The following NT5DC3 variants were observed in gnomAD, a reference collection of about 807,000 sequenced individuals.
NT5DC3 encodes 5'-nucleotidase domain containing 3, also known as 5'-nucleotidase domain-containing protein 3.
NT5DC3 carries 42 observed loss-of-function variants against 67.8 expected under a neutral mutation model. The observed-to-expected ratio is 0.62, with a 90% CI of 0.48 to 0.80. The LOEUF (loss-of-function observed/expected upper bound fraction) is 0.80. Among genes scored for constraint, NT5DC3 ranks in the 30% least tolerant of loss-of-function variants. The probability of loss-of-function intolerance (pLI) is 0.00; values close to 1 mark genes in which losing one functional copy is unlikely to be tolerated. For synonymous variants in NT5DC3, 237 were observed against 255.6 expected (o/e 0.93, Z 0.69); for missense variants, 570 against 696.4 (o/e 0.82, Z 2.04).
At chr12:103,766,480 T>C (rs1884975141), downstream of NT5DC3, 1 of 957,110 alleles carries the variant, frequency 1.0e-6, no homozygotes, top group South Asian at 1.7e-5. Flanking sequence ...ATCTGGGGGT[T>C]GTTTCTGTGG....
chr12:103,763,585 GA>G, the NT5DC3 span: 1 of 1,614,068 alleles, frequency 6.2e-7, no homozygotes, highest in Non-Finnish European at 8.5e-7. Context: ...AGCTCCCCCA[GA>G]ACCTTCCTAC....
intron 1 of NT5DC3, among the ~76,000 whole-genome samples, chr12:103,826,510 C>G (rs1013821599): frequency 6.6e-6 from 1 of 152,202 alleles, no homozygotes; most frequent in African/African-American, 2.4e-5. Context: ...CAAGGGGCTA[C>G]AAACAATGTG....
chr12:103,836,642 G>A (rs1025279369), intron 1 of NT5DC3, among the ~76,000 whole-genome samples: 1 of 152,062 alleles, frequency 6.6e-6, no homozygotes, highest in African/African-American at 2.4e-5. Context: ...TTTGTAGAAA[G>A]TCCCTCAATT....
At chr12:103,784,571 A>C (rs1885686770) in intron 12 of NT5DC3, among the ~76,000 whole-genome samples, 1 of 152,234 alleles carries the variant, frequency 6.6e-6, no homozygotes, top group African/African-American at 2.4e-5. Context: ...CAAGAGAGCA[A>C]GCACCTGTGC....
chr12:103,756,544 T>C, the NT5DC3 span, among the ~76,000 whole-genome samples: 2 of 152,214 alleles, frequency 1.3e-5, no homozygotes. Context: ...ATCCACGTTT[T>C]AGATGAAGAA....
rs142799570 is a variant in NT5DC3 at position 103,815,084 on chromosome 12, T to C, written c.246A>G (p.Pro82=). Residue 82 remains proline, a synonymous_variant, in exon 2 of 14, where the codon CCA becomes CCG. Coordinates refer to ENST00000392876, the MANE Select transcript of NT5DC3 (RefSeq NM_001031701.3). ...VPSIMSNLLN[P]DAIFSNNEMS... The stretch of plus-strand genomic sequence containing the variant: ...TTTCATTGTTTGAGAAAATGGCATC[T>C]GGATTCAACAAGTTGCTCATAATGG... 167 of 1,613,416 alleles carry C rather than the reference T, an allele frequency of 1.0e-4. No individual in the cohort carries two copies. The African/African-American group carries it at 2.0e-3, about 19-fold the overall frequency.
In NT5DC3 at chr12:103,817,064, A is replaced by G. The variant is rs139707880; in HGVS notation, c.209-1943T>C. The stretch of plus-strand genomic sequence containing the variant: ...AAGAAAAAAAAAAGAAAGAAAGCTA[A>G]CAGGGCAAGACATCTCACAGTTATC... On this transcript the variant is annotated intron_variant, in intron 1 of 13. Coordinates refer to ENST00000392876, the MANE Select transcript of NT5DC3 (RefSeq NM_001031701.3). Among the ~76,000 whole-genome samples the G allele has an allele frequency of 2.0e-5, 3 of 151,614 alleles. No individual in the cohort carries two copies. The East Asian group carries it at 5.8e-4, about 29-fold the overall frequency.
At chr12:103,780,957 TTAAG>T (rs1186180858) in intron 12 of NT5DC3, among the ~76,000 whole-genome samples, 1 of 150,622 alleles carries the variant, frequency 6.6e-6, no homozygotes, top group African/African-American at 2.4e-5. Context: ...TAATATTATA[TTAAG>T]TGTTTAATTT....
downstream of NT5DC3, among the ~76,000 whole-genome samples, chr12:103,771,510 G>T (rs1593373370): frequency 1.3e-5 from 2 of 152,294 alleles, no homozygotes; most frequent in South Asian, 4.1e-4. Flanking sequence ...AATGCAGGGG[G>T]TCTAACATGC....
chr12:103,786,679 TGA>T (rs1566101521), intron 11 of NT5DC3, among the ~76,000 whole-genome samples: 5 of 145,828 alleles, frequency 3.4e-5, no homozygotes, highest in East Asian at 2.0e-4. Context: ...CTCACTGGTT[TGA>T]TTTTTTTTTT....
chr12:103,778,557 AAAAC>A (rs530801027), intron 13 of NT5DC3, among the ~76,000 whole-genome samples: 279 of 152,036 alleles, frequency 1.8e-3, no homozygotes, highest in Non-Finnish European at 3.2e-3. Context: ...ACAAACAAAA[AAAAC>A]AGTCTGGCCT....
At chr12:103,836,904 GGA>G (rs529058628) in intron 1 of NT5DC3, among the ~76,000 whole-genome samples, 7 of 152,286 alleles carry the variant, frequency 4.6e-5, no homozygotes, top group Admixed American at 3.3e-4. Flanking sequence ...GGGGTCTGGA[GGA>G]GAGTGGCCCT....
the NT5DC3 span, among the ~76,000 whole-genome samples, chr12:103,760,330 G>A: frequency 3.9e-5 from 6 of 152,076 alleles, no homozygotes; most frequent in Non-Finnish European, 7.4e-5. Flanking sequence ...GCACAATCTC[G>A]GTTCACTGCA....
At chr12:103,825,771 CGAAGA>C (rs1192056584) in intron 1 of NT5DC3, among the ~76,000 whole-genome samples, 1 of 152,142 alleles carries the variant, frequency 6.6e-6, no homozygotes, top group African/African-American at 2.4e-5. Flanking sequence ...AAGACCCTAT[CGAAGA>C]GAAGAGAGCC....
At chr12:103,761,694 T>TC in the NT5DC3 span, among the ~76,000 whole-genome samples, 1 of 152,040 alleles carries the variant, frequency 6.6e-6, no homozygotes, top group Non-Finnish European at 1.5e-5. Flanking sequence ...GAGTGAGAAA[T>TC]CCTAAGCTAT....
At chr12:103,796,212 C>A (rs1217148875) in intron 6 of NT5DC3, among the ~76,000 whole-genome samples, 2 of 152,170 alleles carry the variant, frequency 1.3e-5, no homozygotes, top group Non-Finnish European at 2.9e-5. Flanking sequence ...TTGAATGTAA[C>A]CCATGTGACG....
the NT5DC3 span, among the ~76,000 whole-genome samples, chr12:103,755,911 G>A: frequency 0.088 from 13,448 of 152,078 alleles, 892 homozygotes; most frequent in East Asian, 0.26. Context: ...TTCCTCTCTG[G>A]GACTCAATTT....
chr12:103,757,494 T>C, the NT5DC3 span, among the ~76,000 whole-genome samples: 1 of 152,194 alleles, frequency 6.6e-6, no homozygotes, highest in African/African-American at 2.4e-5. Flanking sequence ...TGCTAGAAGA[T>C]GATAGATCCA....
chr12:103,824,149 T>C (rs537525825), intron 1 of NT5DC3, among the ~76,000 whole-genome samples: 1 of 152,348 alleles, frequency 6.6e-6, no homozygotes, highest in South Asian at 2.1e-4. Context: ...TCCTTTCTGC[T>C]AATAATTCAT....
Sources: gnomAD v4.1 joint callset for allele counts (sites outside exome capture counted in the v4.1 genomes callset) on GRCh38, gnomAD v4.1.1 for gene constraint, MANE v1.5 for transcripts, NCBI Gene and HGNC (gene_info 2026-07-23, HGNC 2026-07-21) for gene names.